CSMD3: variants seen among roughly 807,000 people sequenced by gnomAD.
CSMD3 encodes CUB and sushi domain-containing protein 3.
A neutral mutation model predicts 435.2 loss-of-function variants in CSMD3; 177 were observed. The ratio of observed to expected loss-of-function variants is 0.41; its 90% CI spans 0.36 to 0.46. The LOEUF is 0.46. CSMD3 is among the 20% of genes least tolerant of loss of function. The probability of loss-of-function intolerance (pLI) is 0.34; values close to 1 mark genes in which losing one functional copy is unlikely to be tolerated. For synonymous variants in CSMD3, 1,656 were observed against 1,520.5 expected, an observed-to-expected ratio of 1.09 and a Z score of -2.07; for missense variants, 4,265 against 4,504.6, an observed-to-expected ratio of 0.95 and a Z score of 1.52.
intron 29 of CSMD3, among the ~76,000 whole-genome samples, chr8:112,504,723 TAAC>T (rs1822327159): frequency 6.6e-6 from 1 of 152,120 alleles, no homozygotes; most frequent in African/African-American, 2.4e-5. Context: ...AAACTTGCCT[TAAC>T]AACCTTCAAA....
intron 4 of CSMD3, among the ~76,000 whole-genome samples, chr8:113,116,085 A>G (rs1324765331): frequency 6.6e-6 from 1 of 152,134 alleles, no homozygotes; most frequent in Non-Finnish European, 1.5e-5. Context: ...TGTGGCTTAT[A>G]AGGTACCCTG....
intron 13 of CSMD3, among the ~76,000 whole-genome samples, chr8:112,760,507 A>G (rs1301668963): frequency 6.6e-6 from 1 of 152,184 alleles, no homozygotes; most frequent in Non-Finnish European, 1.5e-5. Context: ...CATAACTTCT[A>G]TGAAAAGTTA....
chr8:112,608,124 A>G (rs1832941428), intron 22 of CSMD3, among the ~76,000 whole-genome samples: 1 of 152,170 alleles, frequency 6.6e-6, no homozygotes, highest in South Asian at 2.1e-4. Flanking sequence ...ATATAACATT[A>G]ACATATAAAA....
intron 16 of CSMD3, among the ~76,000 whole-genome samples, chr8:112,668,808 T>A (rs998229247): frequency 6.6e-6 from 1 of 151,070 alleles, no homozygotes; most frequent in African/African-American, 2.4e-5. Context: ...AGCAAAAGTC[T>A]CATCATTAAA....
At chr8:112,863,303 C>A (rs954883506) in intron 10 of CSMD3, among the ~76,000 whole-genome samples, 2 of 151,636 alleles carry the variant, frequency 1.3e-5, no homozygotes, top group African/African-American at 2.4e-5. Flanking sequence ...ATTTCTCATT[C>A]TTTAATAGTT....
Position 113,430,014 on chromosome 8 carries a change from C to T in CSMD3, c.178+6663G>A, listed in dbSNP as rs546072246. Among the ~76,000 whole-genome samples the T allele has an allele frequency of 8.5e-5, 13 of 152,196 alleles. 1 individual carries two copies. The South Asian group carries it at 2.7e-3, about 32-fold the overall frequency. ...CAGAATGCAGGGGATGAAATCAGCA[C>T]AGGAGGAGAGGTAGCATTTTTTTCT... On this transcript the variant is annotated intron_variant, in intron 1 of 70. Transcript: ENST00000297405.
chr8:113,182,942 G>A (rs559502437), intron 3 of CSMD3, among the ~76,000 whole-genome samples: 4 of 152,138 alleles, frequency 2.6e-5, no homozygotes, highest in African/African-American at 7.2e-5. Context: ...ATGGAACAGA[G>A]ACCTGGTGGA....
intron 31 of CSMD3, among the ~76,000 whole-genome samples, chr8:112,473,182 C>T (rs1286946552): frequency 6.6e-6 from 1 of 152,098 alleles, no homozygotes; most frequent in Non-Finnish European, 1.5e-5. Context: ...TCTTTATCTG[C>T]ATATATAATT....
At chr8:113,270,824 G>A (rs1370334668) in intron 3 of CSMD3, among the ~76,000 whole-genome samples, 1 of 151,624 alleles carries the variant, frequency 6.6e-6, no homozygotes, top group Non-Finnish European at 1.5e-5. Flanking sequence ...GGGGCCTGTT[G>A]TGGGGTGGGA....
At chr8:113,303,771 T>C (rs1417434752) in intron 2 of CSMD3, among the ~76,000 whole-genome samples, 4 of 137,544 alleles carry the variant, frequency 2.9e-5, no homozygotes, top group Non-Finnish European at 6.2e-5. Context: ...TCAAGATGGA[T>C]TAAAGATTTA....
chr8:112,829,885 GCACACACA>G (rs57982384), intron 11 of CSMD3, 96 bp from the exon 12 acceptor site: 211,064 of 594,732 alleles, frequency 0.35, 20,530 homozygotes, highest in Admixed American at 0.46. Flanking sequence ...TTGTCTCTCT[GCACACACA>G]CACACACACA....
At position 112,878,791 on chromosome 8, in the gene CSMD3, G is replaced by C. The variant is rs554065754; in HGVS notation, c.1634-19525C>G. ...GGTGTTGCAGGAAGTCAGGGATCCCGAATGGAGGGACCTGCTGAAGGCATG... is the reference window on the plus strand; with the variant it reads ...GGTGTTGCAGGAAGTCAGGGATCCCCAATGGAGGGACCTGCTGAAGGCATG... On this transcript the variant is annotated intron_variant, in intron 10 of 70. Coordinates refer to ENST00000297405, the MANE Select transcript of CSMD3 (RefSeq NM_198123.2). 4.6e-5 allele frequency among the ~76,000 whole-genome samples: 7 copies of C among 152,106 alleles called. No individual in the cohort carries two copies. The South Asian group carries it at 1.5e-3, about 32-fold the overall frequency.
chr8:112,833,058 T>G (rs2079922468), intron 11 of CSMD3, among the ~76,000 whole-genome samples: 1 of 152,136 alleles, frequency 6.6e-6, no homozygotes, highest in Non-Finnish European at 1.5e-5. Context: ...CTTATTTTTA[T>G]TATTGCTATA....
chr8:113,179,563 G>A (rs1460494997), intron 3 of CSMD3, among the ~76,000 whole-genome samples: 1 of 151,680 alleles, frequency 6.6e-6, no homozygotes, highest in South Asian at 2.1e-4. Context: ...TCCCCTATAG[G>A]TGTCATTGAT....
intron 5 of CSMD3, among the ~76,000 whole-genome samples, chr8:113,061,366 T>C (rs922848862): frequency 1.3e-5 from 2 of 152,058 alleles, no homozygotes; most frequent in Admixed American, 6.6e-5. Context: ...GAATACTAGA[T>C]TCATCCAAGA....
chr8:112,301,747 T>C (rs1820942404), intron 53 of CSMD3, 46 bp downstream of exon 53: 11 of 1,431,060 alleles, frequency 7.7e-6, no homozygotes, highest in Non-Finnish European at 1.1e-5. Flanking sequence ...TTTTCAAGGG[T>C]GAGGGGCAGG....
intron 7 of CSMD3, among the ~76,000 whole-genome samples, chr8:112,955,961 A>AT (rs1397461147): frequency 1.3e-5 from 2 of 151,976 alleles, no homozygotes; most frequent in South Asian, 2.1e-4. Context: ...TTTTAAGGTA[A>AT]TTTTTTTCTT....
chr8:112,971,540 ATAT>A (rs1376832737), intron 7 of CSMD3, among the ~76,000 whole-genome samples: 1 of 152,196 alleles, frequency 6.6e-6, no homozygotes, highest in East Asian at 1.9e-4. Context: ...CCCTGATGTA[ATAT>A]TTTGATACTA....
chr8:112,385,366 T>C (rs772905958), intron 36 of CSMD3, among the ~76,000 whole-genome samples: 31 of 152,124 alleles, frequency 2.0e-4, no homozygotes, highest in Non-Finnish European at 4.3e-4. Flanking sequence ...AAAGACTCAA[T>C]AAAGCTTAGC....
Sources: allele counts gnomAD v4.1 joint callset (sites outside exome capture counted in the v4.1 genomes callset), GRCh38; gene constraint gnomAD v4.1.1; transcripts MANE v1.5; gene names NCBI Gene and HGNC (gene_info 2026-07-23, HGNC 2026-07-21).